PHKG1: variants seen among roughly 807,000 people sequenced by gnomAD.
PHKG1 encodes the protein phosphorylase kinase catalytic subunit gamma 1.
In PHKG1, 48 loss-of-function variants were observed where a neutral mutation model predicts 50.5. The ratio of observed to expected loss-of-function variants is 0.95; its 90% CI spans 0.75 to 1.21. PHKG1 has a LOEUF of 1.21. PHKG1 is among the 50% of genes most tolerant of loss of function. The probability of loss-of-function intolerance (pLI) is 0.00; values close to 1 mark genes in which losing one functional copy is unlikely to be tolerated. For synonymous variants in PHKG1, 204 were observed against 212.8 expected (o/e 0.96, Z 0.36); for missense variants, 487 against 519.5 (o/e 0.94, Z 0.61).
chr7:56,081,143 C>T lies in PHKG1; in HGVS notation c.1075G>A (p.Val359Met), dbSNP rs750931824. The change falls in exon 10 of 10, where the codon GTG becomes ATG. Residue 359 changes from valine to methionine, a missense_variant. Val to Met is a conservative substitution (Grantham distance 21). Transcript: ENST00000297373. The surrounding 1 kb of genome is among the most constrained non-coding windows in gnomAD (Gnocchi z 4.6). ...CGGTTCTGCTGCTGCCCCTTCTTCACCCAGTGGCCATAGATTCGGAAAGCG... is the reference window on the plus strand; with the variant it reads ...CGGTTCTGCTGCTGCCCCTTCTTCATCCAGTGGCCATAGATTCGGAAAGCG... The part of the protein sequence containing the change: ...AYAFRIYGHW[V>M]KKGQQQNRAA... 2.5e-6 allele frequency: 4 copies of T among 1,613,896 alleles called. No individual in the cohort carries two copies. The highest frequency in any genetic ancestry group is 3.4e-6 in the Non-Finnish European group (4 of 1,179,918).
Position 56,081,143 on chromosome 7 carries a change from C to A in PHKG1, c.1075G>T (p.Val359Leu). The change falls in exon 10 of 10, where the codon GTG (valine) becomes TTG (leucine). Residue 359 changes from valine to leucine, a missense_variant. By Grantham distance (32) the Val-to-Leu change is conservative (BLOSUM62 1). Transcript: ENST00000297373. The surrounding 1 kb of genome is among the most constrained non-coding windows in gnomAD (Gnocchi z 4.6). ...AYAFRIYGHW[V>L]KKGQQQNRAA... ...CGGTTCTGCTGCTGCCCCTTCTTCA[C>A]CCAGTGGCCATAGATTCGGAAAGCG... The A allele has an allele frequency of 6.2e-7, 1 of 1,613,896 alleles. No individual in the cohort carries two copies. The highest frequency in any genetic ancestry group is 8.5e-7 in the Non-Finnish European group (1 of 1,179,918).
intron 1 of PHKG1, among the ~76,000 whole-genome samples, chr7:56,091,903 ACTGT>A (rs1359052548): frequency 6.6e-6 from 1 of 152,358 alleles, no homozygotes; most frequent in African/African-American, 2.4e-5. Context: ...GGAGCCCGGG[ACTGT>A]CTGTTTCCCA....
chr7:56,084,473 A>C (rs915507058), intron 4 of PHKG1, among the ~76,000 whole-genome samples: 4 of 150,374 alleles, frequency 2.7e-5, no homozygotes, highest in Non-Finnish European at 4.4e-5. Context: ...TCCCAGGTTC[A>C]AGCAATTCTC....
chr7:56,080,998 T>A lies in PHKG1; in HGVS notation c.*56A>T. 1 of 1,598,740 alleles carries A rather than the reference T, an allele frequency of 6.3e-7. No individual in the cohort carries two copies. The highest frequency in any genetic ancestry group is 8.5e-7 in the Non-Finnish European group (1 of 1,172,958). On this transcript the variant is annotated 3_prime_UTR_variant, in exon 10 of 10. Transcript: ENST00000297373. ...ACGCATCTCACCCCTTTGACTTGTA[T>A]TTCCATGGCTTCCCCTCCCCACCTG...
At chr7:56,087,915 G>C (rs1218928576) in intron 2 of PHKG1, 139 bp from the exon 3 acceptor site, 1 of 656,156 alleles carries the variant, frequency 1.5e-6, no homozygotes. Flanking sequence ...TTTGGAAATG[G>C]TGGATGAATA....
rs181146026 is a variant in PHKG1 at position 56,089,183 on chromosome 7, C to T, written c.-34-208G>A. 4.6e-5 allele frequency among the ~76,000 whole-genome samples: 7 copies of T among 152,196 alleles called. No individual in the cohort carries two copies. In the East Asian group the frequency reaches 1.2e-3, roughly 25 times the overall value. ...CTTTGGGAGGCTGAGGCAGATAGAT[C>T]ACTTGAGGCCAGGATTTCGAGACCA... On this transcript the variant is annotated intron_variant, in intron 1 of 9. Coordinates refer to ENST00000297373, the MANE Select transcript of PHKG1 (RefSeq NM_006213.5).
chr7:56,087,566 A>G (rs1562880695), intron 3 of PHKG1, 32 bp downstream of exon 3: 1 of 1,596,658 alleles, frequency 6.3e-7, no homozygotes, highest in East Asian at 2.2e-5. Flanking sequence ...ACAGGGGGGC[A>G]CCCTGCCGTG....
Position 56,081,230 on chromosome 7 carries a change from G to A in PHKG1, c.988C>T (p.Arg330Trp), listed in dbSNP as rs776637838. The change falls in exon 10 of 10, where the codon CGG (arginine) becomes TGG (tryptophan). Residue 330 changes from arginine to tryptophan, a missense_variant. By Grantham distance (101) the Arg-to-Trp change is moderately radical (BLOSUM62 -3). Coordinates refer to ENST00000297373, the MANE Select transcript of PHKG1 (RefSeq NM_006213.5). This position sits in a 1 kb window ranked among gnomAD's most constrained non-coding sequence, Gnocchi z 4.6. ...YQYRRVKPVT[R>W]EIVIRDPYAL... ...TAGGGGTCTCGGATGACGATCTCCCGGGTCACAGGCTTCACCCGGCGGTAC... is the reference window on the plus strand; with the variant it reads ...TAGGGGTCTCGGATGACGATCTCCCAGGTCACAGGCTTCACCCGGCGGTAC... 1.9e-5 allele frequency: 30 copies of A among 1,613,494 alleles called. No homozygotes were observed. The highest frequency in any genetic ancestry group is 4.4e-5 in the South Asian group (4 of 91,076).
chr7:56,088,321 C>T (rs1394086362), intron 2 of PHKG1, among the ~76,000 whole-genome samples: 1 of 150,502 alleles, frequency 6.6e-6, no homozygotes, highest in Admixed American at 6.7e-5. Context: ...GCTGCTATTG[C>T]AGGCATGAGC....
rs1350855846 is a variant in PHKG1, at chr7:56,080,879, C to T, written c.*175G>A. 2.7e-6 allele frequency: 2 copies of T among 732,246 alleles called. No homozygotes were observed. The highest frequency in any genetic ancestry group is 4.4e-6 in the Non-Finnish European group (2 of 456,806). The allele number at this position is 732,246 out of a possible 1,614,324, so 45.4% of individuals were successfully genotyped here. On this transcript the variant is annotated 3_prime_UTR_variant, in exon 10 of 10. Coordinates refer to ENST00000297373, the MANE Select transcript of PHKG1 (RefSeq NM_006213.5). The stretch of plus-strand genomic sequence containing the variant: ...AGGTATTGCTGTGTGGTGGGAACAC[C>T]CACTTCCCTTGTGCACAGCCTTTGA...
chr7:56,092,366 G>A (rs898657362), intron 1 of PHKG1, among the ~76,000 whole-genome samples: 6 of 152,242 alleles, frequency 3.9e-5, no homozygotes, highest in African/African-American at 1.4e-4. Flanking sequence ...TCTGCTTTCC[G>A]GGTTCAAGCG....
intron 2 of PHKG1, 106 bp from the exon 3 acceptor site, chr7:56,087,882 T>G (rs1260372622): frequency 3.5e-6 from 3 of 863,694 alleles, no homozygotes; most frequent in Non-Finnish European, 5.4e-6. Flanking sequence ...AGATTTACAC[T>G]TTCCCCCAAC....
intron 3 of PHKG1, 80 bp from the exon 4 acceptor site, chr7:56,087,104 G>A (rs1392994858): frequency 1.0e-5 from 11 of 1,059,328 alleles, no homozygotes; most frequent in Admixed American, 6.8e-5. Flanking sequence ...GTCAGGGACC[G>A]AGGCTGCTGT....
rs372681025 is a variant in PHKG1 at position 56,082,212 on chromosome 7, C to G, written c.589G>C (p.Glu197Gln). 10 of 1,613,686 alleles carry G rather than the reference C, an allele frequency of 6.2e-6. No individual in the cohort carries two copies. Among genetic ancestry groups the G allele is most frequent in the Admixed American group, 1.7e-5 (1 of 59,986 alleles). ...GGGTGGTCCTCATTCATGGAGCACT[C>G]GATAATCTCAGGGGCCAGGTAACTG... ...TPSYLAPEIIECSMNEDHPGY... is the reference protein window; with the variant it reads ...TPSYLAPEIIQCSMNEDHPGY... Residue 197 changes from glutamate to glutamine, a missense_variant, in exon 7 of 10, where the codon GAG (glutamate) becomes CAG (glutamine). Physicochemically the swap from Glu to Gln is conservative, Grantham distance 29. Coordinates refer to ENST00000297373, the MANE Select transcript of PHKG1 (RefSeq NM_006213.5).
chr7:56,085,252 T>C (rs1796203911), intron 4 of PHKG1, among the ~76,000 whole-genome samples: 1 of 152,130 alleles, frequency 6.6e-6, no homozygotes, highest in Middle Eastern at 3.4e-3. Context: ...TGAACCACCA[T>C]GCCTGGCCTT....
intron 2 of PHKG1, chr7:56,088,612 C>A: frequency 2.7e-6 from 1 of 374,550 alleles, no homozygotes. Flanking sequence ...CCACCTCAGC[C>A]TCCCAAAGTG....
intron 6 of PHKG1, chr7:56,083,036 G>T (rs1796086804): frequency 2.4e-6 from 1 of 425,204 alleles, no homozygotes; most frequent in African/African-American, 2.0e-5. Context: ...AACTCGGGAG[G>T]TGGAAGTTGC....
chr7:56,089,079 C>T, intron 1 of PHKG1, 104 bp from the exon 2 acceptor site: 1 of 634,994 alleles, frequency 1.6e-6, no homozygotes, highest in Non-Finnish European at 2.8e-6. Flanking sequence ...CCTGGCACTA[C>T]ACTGGCCTAT....
In PHKG1 at chr7:56,092,339, C is replaced by T. The variant is rs541587572; in HGVS notation, c.-35+497G>A. On this transcript the variant is annotated intron_variant, in intron 1 of 9. Coordinates refer to ENST00000297373, the MANE Select transcript of PHKG1 (RefSeq NM_006213.5). ...CCAGGCTGGAGTGCAGTGGTGAGAT[C>T]TCAGCTCACTGCAACTTCTGCTTTC... 3.3e-5 allele frequency among the ~76,000 whole-genome samples: 5 copies of T among 152,308 alleles called. No individual in the cohort carries two copies. In the South Asian group the frequency reaches 8.3e-4, roughly 25 times the overall value.
Sources: gnomAD v4.1 joint callset for allele counts (sites outside exome capture counted in the v4.1 genomes callset) on GRCh38, gnomAD v4.1.1 for gene constraint, Gnocchi (gnomAD v3.1) non-coding constraint, MANE v1.5 for transcripts, NCBI Gene and HGNC (gene_info 2026-07-23, HGNC 2026-07-21) for gene names.